The following WASF2 variants were observed in gnomAD, a reference collection of about 807,000 sequenced individuals.
WASF2 encodes actin-binding protein WASF2.
In WASF2, 14 loss-of-function variants were observed where a neutral mutation model predicts 45.0. That is an observed-to-expected ratio of 0.31 (90% CI 0.21 to 0.49). The LOEUF is 0.49. WASF2 is among the 20% of genes least tolerant of loss of function. The probability of loss-of-function intolerance (pLI) is 0.99; values close to 1 mark genes in which losing one functional copy is unlikely to be tolerated. For missense variants in WASF2, 439 were observed against 636.1 expected, an observed-to-expected ratio of 0.69 and a Z score of 3.33; for synonymous variants, 200 against 236.3, an observed-to-expected ratio of 0.85 and a Z score of 1.41.
intron 1 of WASF2, among the ~76,000 whole-genome samples, chr1:27,454,688 G>A (rs927895103): frequency 6.6e-6 from 1 of 152,034 alleles, no homozygotes; most frequent in African/African-American, 2.4e-5. Flanking sequence ...TGCCCAGGTT[G>A]GTCTTGACCT....
At chr1:27,421,845 G>A (rs1437105984) in intron 2 of WASF2, among the ~76,000 whole-genome samples, 2 of 150,982 alleles carry the variant, frequency 1.3e-5, no homozygotes, top group Admixed American at 6.6e-5. Flanking sequence ...GCGTGGTGGC[G>A]GACACCTGTA....
At chr1:27,466,393 A>C (rs2148134465) in intron 1 of WASF2, among the ~76,000 whole-genome samples, 1 of 152,186 alleles carries the variant, frequency 6.6e-6, no homozygotes, top group East Asian at 1.9e-4. Context: ...TCACAGAATA[A>C]TACACCACCA....
At chr1:27,472,968 T>A in intron 1 of WASF2, among the ~76,000 whole-genome samples, 2 of 111,390 alleles carry the variant, frequency 1.8e-5, no homozygotes, top group African/African-American at 9.4e-5. Flanking sequence ...CAAGACCTTG[T>A]CTCAAAAAAA....
chr1:27,427,928 T>C (rs1168171452), intron 2 of WASF2, among the ~76,000 whole-genome samples: 3 of 152,044 alleles, frequency 2.0e-5, no homozygotes, highest in South Asian at 2.1e-4. Flanking sequence ...GCCCTTCCCA[T>C]ATCTCAGCTT....
In WASF2 at chr1:27,407,877, C is replaced by G. The variant is rs112630484; in HGVS notation, c.*312G>C. On this transcript the variant is annotated 3_prime_UTR_variant, in exon 9 of 9. Coordinates refer to ENST00000618852, the MANE Select transcript of WASF2 (RefSeq NM_006990.5). ...CTCCTAAGGGAAGCCCCATCTCCAA[C>G]AGAAACCCGATCAAAGGAATCTGCT... 1.2e-5 allele frequency: 3 copies of G among 260,224 alleles called. No individual in the cohort carries two copies. The allele number at this position is 260,224 out of a possible 1,614,324, so 16.1% of individuals were successfully genotyped here. A position where few individuals can be genotyped will look rare whatever the true frequency, so the allele number is the denominator to read the frequency against.
In WASF2 at chr1:27,406,684, T is replaced by C. The variant is rs2016680852; in HGVS notation, c.*1505A>G. The C allele has an allele frequency of 1.3e-5, 2 of 151,706 alleles. No homozygotes were observed. Among genetic ancestry groups the C allele is most frequent in the South Asian group, 4.2e-4 (2 of 4,806 alleles). The allele number at this position is 151,706 out of a possible 1,614,324, so 9.4% of individuals were successfully genotyped here. On this transcript the variant is annotated 3_prime_UTR_variant, in exon 9 of 9. Transcript: ENST00000618852. ...GTTTTTTTCTGAATAATAGCACCTG[T>C]GTATTAGCTCTGGGAAAAGCGGGAA...
At chr1:27,473,938 T>C (rs1024591447) in intron 1 of WASF2, among the ~76,000 whole-genome samples, 3 of 152,182 alleles carry the variant, frequency 2.0e-5, no homozygotes, top group African/African-American at 7.2e-5. Flanking sequence ...TCACTCAGAC[T>C]GGGACCATTT....
intron 1 of WASF2, among the ~76,000 whole-genome samples, chr1:27,486,827 G>A (rs1014093511): frequency 6.6e-6 from 1 of 151,810 alleles, no homozygotes; most frequent in Non-Finnish European, 1.5e-5. Flanking sequence ...GGGAGGCTGA[G>A]GCAGGAGAAT....
At chr1:27,438,059 G>C (rs997932075) in intron 1 of WASF2, among the ~76,000 whole-genome samples, 1 of 152,118 alleles carries the variant, frequency 6.6e-6, no homozygotes, top group Non-Finnish European at 1.5e-5. Context: ...CCAGTTGATG[G>C]TACCCAGAAA....
rs555463379 is a variant in WASF2, at chr1:27,471,168, A to AC, written c.-44+18817dup. The stretch of plus-strand genomic sequence containing the variant: ...GACCATCCCGGCTAAAAACAGTGAA[A>AC]CCCCATCTCTACTAAAAATACAAAA... On this transcript the variant is annotated intron_variant, in intron 1 of 8. Transcript: ENST00000618852. 3.5e-4 allele frequency among the ~76,000 whole-genome samples: 53 copies of AC among 151,742 alleles called. No homozygotes were observed. In the South Asian group the frequency reaches 0.011, roughly 32 times the overall value.
intron 1 of WASF2, among the ~76,000 whole-genome samples, chr1:27,453,620 C>T (rs1001633917): frequency 1.5e-5 from 2 of 131,324 alleles, no homozygotes; most frequent in African/African-American, 5.8e-5. Flanking sequence ...GGGCCAAGCG[C>T]GGTGGCTCAC....
At chr1:27,489,125 T>C (rs2017987775) in intron 1 of WASF2, among the ~76,000 whole-genome samples, 1 of 151,928 alleles carries the variant, frequency 6.6e-6, no homozygotes, top group Non-Finnish European at 1.5e-5. Context: ...TCAGAGGCTC[T>C]AGGATTCCTG....
intron 1 of WASF2, among the ~76,000 whole-genome samples, chr1:27,463,207 A>C (rs897565496): frequency 6.6e-6 from 1 of 152,244 alleles, no homozygotes; most frequent in Non-Finnish European, 1.5e-5. Flanking sequence ...TGCTTTTTGA[A>C]GGTATTTTAA....
chr1:27,450,504 T>C (rs2148124646), intron 1 of WASF2, among the ~76,000 whole-genome samples: 1 of 152,106 alleles, frequency 6.6e-6, no homozygotes, highest in African/African-American at 2.4e-5. Context: ...CCCAGACTCT[T>C]TTTTGTTTTT....
At chr1:27,456,368 G>A (rs1222845580) in intron 1 of WASF2, among the ~76,000 whole-genome samples, 5 of 148,612 alleles carry the variant, frequency 3.4e-5, no homozygotes, top group Non-Finnish European at 5.9e-5. Context: ...TCTGACTCTT[G>A]CAGACTATGA....
At chr1:27,464,779 A>T (rs2017592452) in intron 1 of WASF2, among the ~76,000 whole-genome samples, 1 of 152,170 alleles carries the variant, frequency 6.6e-6, no homozygotes, top group Non-Finnish European at 1.5e-5. Context: ...CCCAGACTGG[A>T]GTGCAGTGGC....
intron 4 of WASF2, among the ~76,000 whole-genome samples, chr1:27,417,108 C>G (rs151226596): frequency 6.6e-6 from 1 of 152,144 alleles, no homozygotes; most frequent in Admixed American, 6.6e-5. Context: ...TGAGAGGCCA[C>G]GCTAATTCTG....
chr1:27,432,585 T>C (rs2017080572), intron 1 of WASF2, among the ~76,000 whole-genome samples: 1 of 129,512 alleles, frequency 7.7e-6, no homozygotes, highest in Non-Finnish European at 1.6e-5. Flanking sequence ...GAGGCGGAGC[T>C]TGCAGTGAGC....
At chr1:27,485,771 G>T (rs1206085169) in intron 1 of WASF2, among the ~76,000 whole-genome samples, 2 of 152,180 alleles carry the variant, frequency 1.3e-5, no homozygotes, top group African/African-American at 4.8e-5. Flanking sequence ...GAGTGCAGTG[G>T]CGTGATCTCA....
Sources: allele counts gnomAD v4.1 joint callset (sites outside exome capture counted in the v4.1 genomes callset), GRCh38; gene constraint gnomAD v4.1.1; transcripts MANE v1.5; gene names NCBI Gene and HGNC (gene_info 2026-07-23, HGNC 2026-07-21).